NAV2: variants seen among roughly 807,000 people sequenced by gnomAD.
NAV2 encodes neuron navigator 2, also known as helicase, APC down-regulated 1.
In NAV2, 54 loss-of-function variants were observed where a neutral mutation model predicts 223.2. The observed-to-expected ratio is 0.24, with a 90% CI of 0.19 to 0.30. The LOEUF is 0.30. NAV2 is among the 10% of genes least tolerant of loss of function. NAV2 has a pLI of 1.00. For synonymous variants in NAV2, 1,279 were observed against 1,239.3 expected (o/e 1.03, Z -0.67); for missense variants, 2,806 against 3,147.5 (o/e 0.89, Z 2.60).
intron 1 of NAV2, among the ~76,000 whole-genome samples, chr11:19,477,193 T>C (rs1394449439): frequency 6.6e-6 from 1 of 152,196 alleles, no homozygotes; most frequent in Non-Finnish European, 1.5e-5. Context: ...CAGATAAGCA[T>C]TGATGAGGGT....
intron 22 of NAV2, among the ~76,000 whole-genome samples, chr11:20,071,109 C>A: frequency 7.3e-6 from 1 of 136,150 alleles, no homozygotes; most frequent in Non-Finnish European, 1.6e-5. Flanking sequence ...TCCCCTAGCC[C>A]CCCACCCCCC....
In NAV2 at chr11:19,378,955, G is replaced by C. The variant is rs575508872; in HGVS notation, c.75+27928G>C. ...GTGTGTCAGCAGAGGCCCATGGCCT[G>C]AGTTCAAGCCCTGGCTTCGTCCCTC... On this transcript the variant is annotated intron_variant, in intron 1 of 37. Transcript: ENST00000360655. Among the ~76,000 whole-genome samples, 4 of 152,310 alleles carry C rather than the reference G, an allele frequency of 2.6e-5. No individual in the cohort carries two copies. In the South Asian group the frequency reaches 8.3e-4, roughly 32 times the overall value.
chr11:19,643,046 C>T (rs1175446299), intron 1 of NAV2, among the ~76,000 whole-genome samples: 1 of 152,088 alleles, frequency 6.6e-6, no homozygotes, highest in Non-Finnish European at 1.5e-5. Context: ...TGCATAGCTG[C>T]CATCTGGTGT....
At chr11:19,559,789 C>T (rs1258153358) in intron 1 of NAV2, among the ~76,000 whole-genome samples, 5 of 152,178 alleles carry the variant, frequency 3.3e-5, no homozygotes, top group Admixed American at 2.6e-4. Flanking sequence ...GTGCTTTCTT[C>T]GGAAGCTTCT....
chr11:19,757,140 G>A (rs1189427189), intron 1 of NAV2, among the ~76,000 whole-genome samples: 3 of 152,162 alleles, frequency 2.0e-5, no homozygotes, highest in African/African-American at 7.2e-5. Context: ...CCCATCTAAT[G>A]TGGGGCTATT....
At chr11:20,073,074 G>A (rs185462972) in intron 22 of NAV2, among the ~76,000 whole-genome samples, 2 of 152,236 alleles carry the variant, frequency 1.3e-5, no homozygotes, top group East Asian at 3.9e-4. Flanking sequence ...CTGTGGGTTT[G>A]TCATAAATAG....
intron 27 of NAV2, 86 bp from the exon 28 acceptor site, chr11:20,092,120 C>T: frequency 7.4e-7 from 1 of 1,360,498 alleles, no homozygotes; most frequent in African/African-American, 1.4e-5. Flanking sequence ...CTGGTTTCTG[C>T]AGGGAACTTT....
intron 34 of NAV2, among the ~76,000 whole-genome samples, 160 bp downstream of exon 34, chr11:20,103,884 G>C (rs1357865181): frequency 1.3e-5 from 2 of 152,188 alleles, no homozygotes; most frequent in Non-Finnish European, 2.9e-5. Flanking sequence ...TCAGCCTCAA[G>C]TAATTACATT....
chr11:20,010,852 C>T (rs2053507606), intron 11 of NAV2, among the ~76,000 whole-genome samples: 1 of 152,178 alleles, frequency 6.6e-6, no homozygotes, highest in South Asian at 2.1e-4. Flanking sequence ...CTGTAACAGG[C>T]TTTCATTTAA....
At chr11:19,425,390 GA>G (rs1850786568) in intron 1 of NAV2, among the ~76,000 whole-genome samples, 1 of 152,150 alleles carries the variant, frequency 6.6e-6, no homozygotes, top group African/African-American at 2.4e-5. Context: ...CCTTCTTCAT[GA>G]ATGCCTTTTC....
intron 1 of NAV2, among the ~76,000 whole-genome samples, chr11:19,391,180 C>T (rs1849234038): frequency 6.6e-6 from 1 of 152,160 alleles, no homozygotes; most frequent in Non-Finnish European, 1.5e-5. Flanking sequence ...TTAAACCTCA[C>T]CTCTGGCCTT....
At chr11:20,107,972 C>T (rs994795738) in intron 36 of NAV2, among the ~76,000 whole-genome samples, 190 bp downstream of exon 36, 1 of 152,154 alleles carries the variant, frequency 6.6e-6, no homozygotes, top group African/African-American at 2.4e-5. Flanking sequence ...CACCCATTAG[C>T]ATTGTGACCC....
chr11:19,659,355 C>T (rs2048211744), intron 1 of NAV2, among the ~76,000 whole-genome samples: 1 of 152,042 alleles, frequency 6.6e-6, no homozygotes, highest in South Asian at 2.1e-4. Flanking sequence ...TAAGCTACGG[C>T]CAGATGGTGT....
intron 1 of NAV2, among the ~76,000 whole-genome samples, chr11:19,812,073 A>G (rs1056566307): frequency 6.6e-6 from 1 of 152,176 alleles, no homozygotes; most frequent in Non-Finnish European, 1.5e-5. Flanking sequence ...TCCACATTGA[A>G]AAAAGGCAAT....
intron 5 of NAV2, among the ~76,000 whole-genome samples, chr11:19,887,963 C>T (rs1237299730): frequency 2.9e-5 from 4 of 135,740 alleles, no homozygotes; most frequent in Non-Finnish European, 6.5e-5. Context: ...TTTTTTTTTG[C>T]CATCAGCACG....
chr11:19,984,058 A>G (rs745795520), intron 10 of NAV2, 67 bp from the exon 11 acceptor site: 19 of 1,607,698 alleles, frequency 1.2e-5, no homozygotes, highest in Non-Finnish European at 1.5e-5. Context: ...GCTTCTGGAT[A>G]TGAATGCAAG....
intron 1 of NAV2, among the ~76,000 whole-genome samples, chr11:19,700,272 A>G (rs1447563842): frequency 2.0e-5 from 3 of 152,220 alleles, no homozygotes; most frequent in African/African-American, 7.2e-5. Context: ...TGAGGCACAG[A>G]GAGATTAAGT....
At chr11:19,927,858 A>G (rs1299513709) in intron 6 of NAV2, among the ~76,000 whole-genome samples, 2 of 152,202 alleles carry the variant, frequency 1.3e-5, no homozygotes, top group Non-Finnish European at 2.9e-5. Flanking sequence ...TTGGATGGCA[A>G]TATATCATTC....
chr11:19,656,207 G>T (rs533275721), intron 1 of NAV2, among the ~76,000 whole-genome samples: 1 of 152,338 alleles, frequency 6.6e-6, no homozygotes, highest in South Asian at 2.1e-4. Flanking sequence ...GGAGTGGCAT[G>T]CAGAGACCAC....
Sources: allele counts gnomAD v4.1 joint callset (sites outside exome capture counted in the v4.1 genomes callset), GRCh38; gene constraint gnomAD v4.1.1; transcripts MANE v1.5; gene names NCBI Gene and HGNC (gene_info 2026-07-23, HGNC 2026-07-21).